The following ARHGAP24 variants were observed in gnomAD, a reference collection of about 807,000 sequenced individuals.
ARHGAP24 encodes rho GTPase-activating protein 24.
ARHGAP24 carries 50 observed loss-of-function variants against 76.4 expected under a neutral mutation model. The observed-to-expected ratio is 0.65, with a 90% CI of 0.52 to 0.83. The LOEUF is 0.83. Ranked by LOEUF, ARHGAP24 falls within the 40% of genes least tolerant of loss-of-function variation. ARHGAP24 has a pLI of 0.00. For synonymous variants in ARHGAP24, 345 were observed against 323.3 expected, an observed-to-expected ratio of 1.07 and a Z score of -0.72; for missense variants, 930 against 914.2, an observed-to-expected ratio of 1.02 and a Z score of -0.22.
chr4:85,778,276 T>G (rs1200853613), intron 3 of ARHGAP24, among the ~76,000 whole-genome samples: 3 of 152,212 alleles, frequency 2.0e-5, no homozygotes, highest in African/African-American at 7.2e-5. Flanking sequence ...ATATTAAGGA[T>G]TTTAAATCCA....
intron 3 of ARHGAP24, among the ~76,000 whole-genome samples, chr4:85,922,813 G>T (rs928963690): frequency 6.6e-6 from 1 of 152,146 alleles, no homozygotes; most frequent in Non-Finnish European, 1.5e-5. Context: ...ACTTAAATGC[G>T]CTATAAAAGA....
At chr4:85,978,483 T>C (rs986912773) in intron 8 of ARHGAP24, among the ~76,000 whole-genome samples, 2 of 152,184 alleles carry the variant, frequency 1.3e-5, no homozygotes, top group South Asian at 4.1e-4. Context: ...CCTGCATCAC[T>C]TCAGTTTGAT....
chr4:85,599,244 T>A (rs1289920680), intron 2 of ARHGAP24, among the ~76,000 whole-genome samples: 5 of 152,064 alleles, frequency 3.3e-5, no homozygotes, highest in Non-Finnish European at 5.9e-5. Context: ...TTAAAACATA[T>A]GAAAGGCTGA....
intron 2 of ARHGAP24, among the ~76,000 whole-genome samples, chr4:85,586,333 A>G (rs887246376): frequency 4.6e-5 from 7 of 152,190 alleles, no homozygotes; most frequent in Non-Finnish European, 1.0e-4. Context: ...CCAGAGATCT[A>G]CGAAGCAGCT....
At chr4:85,587,290 G>A (rs903798334) in intron 2 of ARHGAP24, among the ~76,000 whole-genome samples, 8 of 152,156 alleles carry the variant, frequency 5.3e-5, no homozygotes, top group Admixed American at 2.6e-4. Flanking sequence ...AGAGAAGGCC[G>A]AATGATGTCG....
At chr4:85,657,598 T>A (rs1378991740) in intron 2 of ARHGAP24, among the ~76,000 whole-genome samples, 1 of 152,310 alleles carries the variant, frequency 6.6e-6, no homozygotes, top group East Asian at 1.9e-4. Context: ...CGTGTCAGCT[T>A]GCTCTCCCAT....
At chr4:85,484,031 T>C (rs1399454401) in intron 1 of ARHGAP24, among the ~76,000 whole-genome samples, 1 of 152,246 alleles carries the variant, frequency 6.6e-6, no homozygotes, top group Admixed American at 6.5e-5. Flanking sequence ...TGATATTGTA[T>C]TGATTGAAGA....
At chr4:85,782,757 A>G (rs369686301) in intron 3 of ARHGAP24, among the ~76,000 whole-genome samples, 1 of 152,212 alleles carries the variant, frequency 6.6e-6, no homozygotes, top group Non-Finnish European at 1.5e-5. Context: ...TGACTCAAGT[A>G]TGTTCCTACA....
intron 8 of ARHGAP24, among the ~76,000 whole-genome samples, chr4:85,977,973 A>C (rs1739437349): frequency 6.6e-6 from 1 of 152,262 alleles, no homozygotes; most frequent in Admixed American, 6.5e-5. Context: ...GAACTGAAAA[A>C]AACTACCTCA....
At chr4:85,882,689 A>G (rs1167120260) in intron 3 of ARHGAP24, among the ~76,000 whole-genome samples, 1 of 152,164 alleles carries the variant, frequency 6.6e-6, no homozygotes, top group African/African-American at 2.4e-5. Context: ...CATTTAGCAA[A>G]GGTTTTCCAA....
intron 2 of ARHGAP24, among the ~76,000 whole-genome samples, chr4:85,617,861 GAAAC>G (rs1410606243): frequency 1.3e-5 from 2 of 152,026 alleles, no homozygotes; most frequent in Non-Finnish European, 2.9e-5. Context: ...GTATAGTTGA[GAAAC>G]AAAAATTCTA....
intron 3 of ARHGAP24, among the ~76,000 whole-genome samples, chr4:85,899,553 A>G (rs1734379216): frequency 6.6e-6 from 1 of 152,218 alleles, no homozygotes; most frequent in Non-Finnish European, 1.5e-5. Context: ...ATTCACTGAT[A>G]ATGAAGTGAG....
intron 2 of ARHGAP24, among the ~76,000 whole-genome samples, chr4:85,580,507 A>T (rs1351047639): frequency 6.6e-6 from 1 of 152,144 alleles, no homozygotes; most frequent in African/African-American, 2.4e-5. Flanking sequence ...ATTATTTCAC[A>T]TGAACTCACT....
At chr4:85,851,227 T>A (rs62315465) in intron 3 of ARHGAP24, among the ~76,000 whole-genome samples, 72,417 of 152,124 alleles carry the variant, frequency 0.48, 18,749 homozygotes, top group East Asian at 0.86. Context: ...TCTCTTTTGA[T>A]CTTTTTGGTT....
intron 8 of ARHGAP24, among the ~76,000 whole-genome samples, chr4:85,980,630 C>CTTTTACATACATAT (rs1164517309): frequency 2.6e-5 from 4 of 152,172 alleles, no homozygotes; most frequent in Admixed American, 6.5e-5. Context: ...CCATTTTAGT[C>CTTTTACATACATAT]CTCATTTAAT....
At chr4:85,888,762 C>T (rs1733715966) in intron 3 of ARHGAP24, among the ~76,000 whole-genome samples, 2 of 152,036 alleles carry the variant, frequency 1.3e-5, no homozygotes, top group South Asian at 2.1e-4. Context: ...TGTCCTGATC[C>T]TCTCCCTCCT....
chr4:85,912,722 T>C (rs1735155627), intron 3 of ARHGAP24, among the ~76,000 whole-genome samples: 1 of 152,186 alleles, frequency 6.6e-6, no homozygotes, highest in Admixed American at 6.5e-5. Flanking sequence ...TAATCTCTTA[T>C]TCAGTAAATA....
chr4:85,495,341 ATTTTT>A lies in ARHGAP24; in HGVS notation c.-21+19805_-21+19809del, dbSNP rs35138716. ...AGTCAAGTAAGTACAGAAGTACAGA[ATTTTT>A]TTTTTTTTTTTTTTTTTTTTTTGAG... is the stretch of plus-strand genomic sequence containing the variant. On this transcript the variant is annotated intron_variant, in intron 1 of 9. Transcript: ENST00000395184. Among the ~76,000 whole-genome samples, 246 of 53,102 alleles carry A rather than the reference ATTTTT, an allele frequency of 4.6e-3. 2 individuals are homozygous for A. Among genetic ancestry groups the A allele is most frequent in the African/African-American group, 0.015 (233 of 15,900 alleles). 34.8% of individuals were successfully genotyped at this position (53,102 alleles called of 152,430 possible).
At chr4:85,599,877 A>G (rs1180460057) in intron 2 of ARHGAP24, among the ~76,000 whole-genome samples, 1 of 152,122 alleles carries the variant, frequency 6.6e-6, no homozygotes, top group Non-Finnish European at 1.5e-5. Flanking sequence ...TGTTCATTCA[A>G]ATAATCTCTA....
Sources: allele counts gnomAD v4.1 joint callset (sites outside exome capture counted in the v4.1 genomes callset), GRCh38; gene constraint gnomAD v4.1.1; transcripts MANE v1.5; gene names NCBI Gene and HGNC (gene_info 2026-07-23, HGNC 2026-07-21).